The following CWF19L2 variants were observed in gnomAD, a reference collection of about 807,000 sequenced individuals.
The protein encoded by CWF19L2 is CWF19-like protein 2.
A neutral mutation model predicts 111.7 loss-of-function variants in CWF19L2; 98 were observed. That is an observed-to-expected ratio of 0.88 (90% confidence interval 0.75 to 1.04). CWF19L2 has a LOEUF of 1.04. Among genes scored for constraint, CWF19L2 ranks in the 50% least tolerant of loss-of-function variants. The probability of loss-of-function intolerance (pLI) is 0.00; values close to 1 mark genes in which losing one functional copy is unlikely to be tolerated. For missense variants in CWF19L2, 1,101 were observed against 1,051.4 expected (o/e 1.05, Z -0.65); for synonymous variants, 351 against 342.9 (o/e 1.02, Z -0.26).
chr11:107,352,820 T>C (rs1317102337), intron 13 of CWF19L2, among the ~76,000 whole-genome samples: 2 of 152,106 alleles, frequency 1.3e-5, no homozygotes, highest in Non-Finnish European at 1.5e-5. Context: ...AACATAAATA[T>C]GTACATGTAT....
intron 12 of CWF19L2, among the ~76,000 whole-genome samples, chr11:107,379,069 G>A (rs551274772): frequency 2.0e-5 from 3 of 152,250 alleles, no homozygotes; most frequent in South Asian, 4.2e-4. Flanking sequence ...AAAGAGATAC[G>A]TGATCCTGGG....
intron 10 of CWF19L2, among the ~76,000 whole-genome samples, chr11:107,415,203 T>TG (rs1861208620): frequency 6.6e-6 from 1 of 152,180 alleles, no homozygotes; most frequent in South Asian, 2.1e-4. Flanking sequence ...TTTCCATCTT[T>TG]GGGCCTTTAA....
At chr11:107,453,451 G>C (rs1336474262) in intron 3 of CWF19L2, among the ~76,000 whole-genome samples, 5 of 152,014 alleles carry the variant, frequency 3.3e-5, no homozygotes, top group Non-Finnish European at 7.4e-5. Flanking sequence ...GTAAATACAG[G>C]ACTCCATCTT....
chr11:107,344,898 T>C (rs1475196038), intron 14 of CWF19L2, among the ~76,000 whole-genome samples: 1 of 152,190 alleles, frequency 6.6e-6, no homozygotes, highest in African/African-American at 2.4e-5. Context: ...CATATGGGGA[T>C]AGAAGTTCAG....
chr11:107,391,518 A>C lies in CWF19L2; in HGVS notation c.1734+1261T>G, dbSNP rs538946810. ...TGAACTAAGAGACCAACTTCTAATTATTAAACCCTTGTTCTGTAAACAGCT... is the reference window on the plus strand; with the variant it reads ...TGAACTAAGAGACCAACTTCTAATTCTTAAACCCTTGTTCTGTAAACAGCT... On this transcript the variant is annotated intron_variant, in intron 11 of 17. Transcript: ENST00000282251. Among the ~76,000 whole-genome samples, 11 of 152,324 alleles carry C rather than the reference A, an allele frequency of 7.2e-5. No homozygotes were observed. In the East Asian group the frequency reaches 2.1e-3, roughly 29 times the overall value.
chr11:107,412,813 A>G (rs1861176530), intron 10 of CWF19L2, among the ~76,000 whole-genome samples: 1 of 152,356 alleles, frequency 6.6e-6, no homozygotes, highest in Non-Finnish European at 1.5e-5. Flanking sequence ...CACTAAAAAG[A>G]AATGAGCTAT....
At chr11:107,434,672 C>CAAAAAAAAAAAAAAAAAAA (rs71044301) in intron 6 of CWF19L2, among the ~76,000 whole-genome samples, 1 of 115,818 alleles carries the variant, frequency 8.6e-6, no homozygotes, top group African/African-American at 3.1e-5. Flanking sequence ...TATTACACAG[C>CAAAAAAAAAAAAAAAAAAA]AAAAAAAAAA....
At chr11:107,452,039 C>A (rs1009887109) in intron 3 of CWF19L2, among the ~76,000 whole-genome samples, 3 of 152,196 alleles carry the variant, frequency 2.0e-5, no homozygotes, top group Non-Finnish European at 2.9e-5. Flanking sequence ...TGTCCACTCT[C>A]ACCACTTCCA....
At chr11:107,431,605 A>C (rs944917149) in intron 7 of CWF19L2, among the ~76,000 whole-genome samples, 11 of 152,148 alleles carry the variant, frequency 7.2e-5, no homozygotes, top group African/African-American at 2.7e-4. Flanking sequence ...AAGAAAACTA[A>C]ACACATAAGA....
Position 107,457,779 on chromosome 11 carries a change from T to C in CWF19L2, c.38A>G (p.Glu13Gly), listed in dbSNP as rs1462585024. ...TSMAAASGRFESAKSIEERKE... is the reference protein window; with the variant it reads ...TSMAAASGRFGSAKSIEERKE... ...CCGCTCTTCGATACTCTTCGCACTT[T>C]CAAATCTACCACTAGCAGCCGCCAT... The change falls in exon 1 of 18, where the codon GAA becomes GGA. Residue 13 changes from glutamate to glycine, a missense_variant. Physicochemically the swap from Glu to Gly is moderately conservative, Grantham distance 98. Coordinates refer to ENST00000282251, the MANE Select transcript of CWF19L2 (RefSeq NM_152434.3). The C allele has an allele frequency of 6.4e-7, 1 of 1,551,638 alleles. No homozygotes were observed. The highest frequency in any genetic ancestry group is 1.4e-5 in the African/African-American group (1 of 73,040).
chr11:107,349,707 T>G (rs1450626248), intron 13 of CWF19L2, among the ~76,000 whole-genome samples: 1 of 152,172 alleles, frequency 6.6e-6, no homozygotes, highest in Non-Finnish European at 1.5e-5. Flanking sequence ...CTGTTATATT[T>G]TGCTGGGTTT....
Position 107,429,073 on chromosome 11 carries a change from C to G in CWF19L2, c.1159G>C (p.Glu387Gln). Residue 387 changes from glutamate (E) to glutamine (Q), a missense_variant, in exon 8 of 18, where the codon GAA (glutamate) becomes CAA (glutamine). Physicochemically the swap from Glu to Gln is conservative, Grantham distance 29. Transcript: ENST00000282251. ...AATGCTGAAGATGAACTAAGTGGTTCAAATTTTCTGCCCTTGCTGTGAAAT... is the reference window on the plus strand; with the variant it reads ...AATGCTGAAGATGAACTAAGTGGTTGAAATTTTCTGCCCTTGCTGTGAAAT... ...LSFHSKGRKF[E>Q]PLSSSSALVA... 1 of 1,613,758 alleles carries G rather than the reference C, an allele frequency of 6.2e-7. No individual in the cohort carries two copies. Among genetic ancestry groups the G allele is most frequent in the Admixed American group, 1.7e-5 (1 of 59,978 alleles).
chr11:107,362,086 A>C (rs1860354098), intron 12 of CWF19L2, among the ~76,000 whole-genome samples: 2 of 151,852 alleles, frequency 1.3e-5, no homozygotes, highest in Middle Eastern at 3.2e-3. Context: ...AAATCGAGTC[A>C]CTCCCACCCA....
At chr11:107,442,771 GAAGGAAGGAAGGAAGGAAGGA>G (rs1565287177) in intron 4 of CWF19L2, among the ~76,000 whole-genome samples, 147 bp downstream of exon 4, 1 of 46,996 alleles carries the variant, frequency 2.1e-5, no homozygotes, top group African/African-American at 1.1e-4. Flanking sequence ...AGGAAGGAAG[GAAGGAAGGAAGGAAGGAAGGA>G]AGGGAGGGAG....
chr11:107,393,688 T>C lies in CWF19L2; in HGVS notation c.1618-793A>G, dbSNP rs536490426. On this transcript the variant is annotated intron_variant, in intron 10 of 17. Coordinates refer to ENST00000282251, the MANE Select transcript of CWF19L2 (RefSeq NM_152434.3). The stretch of plus-strand genomic sequence containing the variant: ...GAGAAAATGTGGTGTATACATGCCA[T>C]GGAATACTACACAATCACACAAAAA... Among the ~76,000 whole-genome samples the C allele has an allele frequency of 1.5e-3, 234 of 152,272 alleles. 1 individual carries two copies. The highest frequency in any genetic ancestry group is 5.1e-3 in the African/African-American group (214 of 41,554).
intron 5 of CWF19L2, among the ~76,000 whole-genome samples, chr11:107,439,679 T>G (rs1050040677): frequency 4.6e-5 from 7 of 152,196 alleles, no homozygotes; most frequent in African/African-American, 1.2e-4. Context: ...TAACAGCACG[T>G]TCTTAAAACA....
intron 3 of CWF19L2, among the ~76,000 whole-genome samples, chr11:107,446,738 T>C (rs896309149): frequency 2.6e-5 from 4 of 152,222 alleles, no homozygotes; most frequent in African/African-American, 4.8e-5. Flanking sequence ...GAAATGTCTT[T>C]TTCTACTCTT....
chr11:107,456,323 G>A (rs1012889769), intron 1 of CWF19L2, among the ~76,000 whole-genome samples: 1 of 152,104 alleles, frequency 6.6e-6, no homozygotes, highest in African/African-American at 2.4e-5. Flanking sequence ...TTCTTTCCCT[G>A]TAACTCCAAA....
At chr11:107,414,153 G>T (rs1319438946) in intron 10 of CWF19L2, among the ~76,000 whole-genome samples, 3 of 151,934 alleles carry the variant, frequency 2.0e-5, no homozygotes, top group East Asian at 1.9e-4. Context: ...GAGTTATTTT[G>T]GGGGAAAGGG....
Sources: gnomAD v4.1 joint callset for allele counts (sites outside exome capture counted in the v4.1 genomes callset) on GRCh38, gnomAD v4.1.1 for gene constraint, MANE v1.5 for transcripts, NCBI Gene and HGNC (gene_info 2026-07-23, HGNC 2026-07-21) for gene names.